The following DNAJC24 variants were observed in gnomAD, a reference collection of about 807,000 sequenced individuals.
The protein encoded by DNAJC24 is DnaJ heat shock protein family (Hsp40) member C24.
In DNAJC24, 17 loss-of-function variants were observed where a neutral mutation model predicts 18.0. That is an observed-to-expected ratio of 0.94 (90% CI 0.65 to 1.42). The LOEUF is 1.42. Ranked by LOEUF, DNAJC24 falls within the 40% of genes most tolerant of loss-of-function variation. The probability of loss-of-function intolerance (pLI) is 0.00; values close to 1 mark genes in which losing one functional copy is unlikely to be tolerated. For synonymous variants in DNAJC24, 55 were observed against 57.7 expected (o/e 0.95, Z 0.21); for missense variants, 158 against 175.6 (o/e 0.90, Z 0.57).
At chr11:31,378,994 A>G (rs897719204) in intron 2 of DNAJC24, among the ~76,000 whole-genome samples, 3 of 152,238 alleles carry the variant, frequency 2.0e-5, no homozygotes, top group Non-Finnish European at 4.4e-5. Flanking sequence ...CTTAACATAC[A>G]TAAACTGCAT....
chr11:31,424,437 A>G (rs572299157), intron 3 of DNAJC24, among the ~76,000 whole-genome samples: 1 of 152,312 alleles, frequency 6.6e-6, no homozygotes, highest in South Asian at 2.1e-4. Context: ...CTGAGTAAGA[A>G]ATTAAAATGT....
intron 3 of DNAJC24, 63 bp from the exon 4 acceptor site, chr11:31,426,224 T>G: frequency 1.8e-6 from 2 of 1,095,254 alleles, no homozygotes; most frequent in Middle Eastern, 2.0e-4. Context: ...TTTTTAGCAT[T>G]CTTCAAGGTT....
chr11:31,422,361 C>T (rs1952814734), intron 3 of DNAJC24, among the ~76,000 whole-genome samples: 1 of 152,156 alleles, frequency 6.6e-6, no homozygotes, highest in Non-Finnish European at 1.5e-5. Context: ...TATCATTGGA[C>T]TCATTATAAG....
At chr11:31,387,675 C>T (rs1314078264) in intron 2 of DNAJC24, among the ~76,000 whole-genome samples, 1 of 152,144 alleles carries the variant, frequency 6.6e-6, no homozygotes, top group African/African-American at 2.4e-5. Flanking sequence ...ACAAAGACTG[C>T]AATAAATTCC....
intron 2 of DNAJC24, among the ~76,000 whole-genome samples, chr11:31,395,329 G>A (rs1276866902): frequency 6.6e-6 from 1 of 152,088 alleles, no homozygotes; most frequent in Admixed American, 6.5e-5. Context: ...TTACTATTGT[G>A]AGTAGTGCTG....
At chr11:31,411,489 G>A (rs1952709148) in intron 2 of DNAJC24, among the ~76,000 whole-genome samples, 1 of 152,186 alleles carries the variant, frequency 6.6e-6, no homozygotes, top group Non-Finnish European at 1.5e-5. Flanking sequence ...AGTTCAAAGT[G>A]TTGGCAGCGC....
chr11:31,424,173 C>G (rs1428143344), intron 3 of DNAJC24, among the ~76,000 whole-genome samples: 2 of 152,110 alleles, frequency 1.3e-5, no homozygotes, highest in East Asian at 1.9e-4. Context: ...TAGTATATTA[C>G]AGGTGTTCAA....
chr11:31,412,214 G>T (rs1173915240), intron 2 of DNAJC24, among the ~76,000 whole-genome samples: 1 of 151,870 alleles, frequency 6.6e-6, no homozygotes, highest in East Asian at 1.9e-4. Context: ...GGGCTTTCTG[G>T]GTCAGATTGG....
intron 2 of DNAJC24, among the ~76,000 whole-genome samples, chr11:31,394,519 C>G (rs1019622656): frequency 6.6e-6 from 1 of 151,304 alleles, no homozygotes; most frequent in Non-Finnish European, 1.5e-5. Context: ...TTCCACCACA[C>G]TGTTTTTTTT....
Position 31,432,259 on chromosome 11 carries a change from C to T in DNAJC24, c.*1858C>T. 2.3e-6 allele frequency: 1 copy of T among 439,898 alleles called. No homozygotes were observed. Among genetic ancestry groups the T allele is most frequent in the Non-Finnish European group, 4.1e-6 (1 of 243,904 alleles). 27.2% of individuals were successfully genotyped at this position (439,898 alleles called of 1,614,324 possible). ...CAAAAGTGAGGTAGTCATCCAGGTT[C>T]CCCCTCCCACAATATTTTTGTATCA... On this transcript the variant is annotated 3_prime_UTR_variant, in exon 5 of 5. Transcript: ENST00000465995.
At chr11:31,414,100 T>TA (rs968218320) in intron 2 of DNAJC24, among the ~76,000 whole-genome samples, 1 of 152,186 alleles carries the variant, frequency 6.6e-6, no homozygotes, top group Non-Finnish European at 1.5e-5. Context: ...TTTGACCCAG[T>TA]AGTATAAATA....
intron 2 of DNAJC24, among the ~76,000 whole-genome samples, chr11:31,411,384 A>T (rs1191594542): frequency 1.3e-5 from 2 of 152,218 alleles, no homozygotes; most frequent in Admixed American, 6.5e-5. Flanking sequence ...TTAATTTCTC[A>T]TAGCAGTAAA....
intron 2 of DNAJC24, among the ~76,000 whole-genome samples, chr11:31,390,395 CAAAAA>C (rs370680501): frequency 2.1e-5 from 1 of 48,564 alleles, no homozygotes; most frequent in African/African-American, 8.6e-5. Context: ...GACTCTATCT[CAAAAA>C]AAAAAAAAAA....
intron 4 of DNAJC24, chr11:31,429,411 GACTT>G (rs1265175126): frequency 2.6e-5 from 9 of 346,046 alleles, no homozygotes; most frequent in African/African-American, 1.9e-4. Flanking sequence ...AGTCCTTTGA[GACTT>G]ATTTATGTAA....
intron 3 of DNAJC24, among the ~76,000 whole-genome samples, chr11:31,420,364 TG>T (rs1244338473): frequency 1.1e-4 from 16 of 152,200 alleles, no homozygotes; most frequent in African/African-American, 3.9e-4. Flanking sequence ...CCATCTAATT[TG>T]TGCTCTCTGA....
At chr11:31,393,421 A>T (rs775254842) in intron 2 of DNAJC24, among the ~76,000 whole-genome samples, 1 of 152,188 alleles carries the variant, frequency 6.6e-6, no homozygotes, top group Non-Finnish European at 1.5e-5. Context: ...GTCCTGTCTA[A>T]AACTCATGTT....
intron 2 of DNAJC24, among the ~76,000 whole-genome samples, chr11:31,409,508 T>C (rs1952686154): frequency 6.6e-6 from 1 of 152,248 alleles, no homozygotes; most frequent in African/African-American, 2.4e-5. Context: ...CAGTATGTAC[T>C]TTTTGTTCTT....
chr11:31,399,919 A>C, intron 2 of DNAJC24, among the ~76,000 whole-genome samples: 1 of 149,378 alleles, frequency 6.7e-6, no homozygotes, highest in Non-Finnish European at 1.5e-5. Flanking sequence ...CCTGTCCTCC[A>C]CCTCTCAACA....
chr11:31,392,169 G>C (rs1489484129), intron 2 of DNAJC24, among the ~76,000 whole-genome samples: 1 of 152,120 alleles, frequency 6.6e-6, no homozygotes, highest in African/African-American at 2.4e-5. Flanking sequence ...TAGATAGAAT[G>C]AGTAAGATGT....
Sources: allele counts gnomAD v4.1 joint callset (sites outside exome capture counted in the v4.1 genomes callset), GRCh38; gene constraint gnomAD v4.1.1; transcripts MANE v1.5; gene names NCBI Gene and HGNC (gene_info 2026-07-23, HGNC 2026-07-21).